The following TRIO variants were observed in gnomAD, a reference collection of about 807,000 sequenced individuals.
The protein encoded by TRIO is triple functional domain protein.
Under a neutral mutation model 351.9 loss-of-function variants are expected in TRIO, and 58 were observed. The observed-to-expected ratio is 0.16, with a 90% CI of 0.13 to 0.21. The LOEUF (loss-of-function observed/expected upper bound fraction) is 0.21, where lower values mean the gene tolerates loss of function less well. Ranked by LOEUF, TRIO falls within the 10% of genes least tolerant of loss-of-function variation. The pLI is 1.00. For synonymous variants in TRIO, 1,758 were observed against 1,595.7 expected, an observed-to-expected ratio of 1.10 and a Z score of -2.42; for missense variants, 3,201 against 4,027.8, an observed-to-expected ratio of 0.79 and a Z score of 5.56.
At chr5:14,151,411 T>G (rs1481518677) in intron 1 of TRIO, among the ~76,000 whole-genome samples, 1 of 149,778 alleles carries the variant, frequency 6.7e-6, no homozygotes, top group Non-Finnish European at 1.5e-5. Flanking sequence ...TGTGTGTGTA[T>G]GTATGTATGT....
intron 33 of TRIO, among the ~76,000 whole-genome samples, chr5:14,412,459 G>C (rs1451517543): frequency 6.6e-6 from 1 of 152,206 alleles, no homozygotes; most frequent in African/African-American, 2.4e-5. Flanking sequence ...TCTTGGGTAA[G>C]GGTGTATATC....
Position 14,487,528 on chromosome 5 carries a change from G to GGGCAGCGGC in TRIO, c.6903_6911dup (p.Ser2302_Gly2304dup), listed in dbSNP as rs1322123600. 5 of 1,048,780 alleles carry GGGCAGCGGC rather than the reference G, an allele frequency of 4.8e-6. No homozygotes were observed. Among genetic ancestry groups the GGGCAGCGGC allele is most frequent in the South Asian group, 8.8e-5 (2 of 22,684 alleles). The allele number at this position is 1,048,780 out of a possible 1,614,324, so 65.0% of individuals were successfully genotyped here. On this transcript the variant is annotated inframe_insertion, in exon 48 of 57. Coordinates refer to ENST00000344204, the MANE Select transcript of TRIO (RefSeq NM_007118.4). Reference sequence around the variant, plus strand: ...GGGGCGGCGGCGGCGGCGGCAGCGGGGGCAGCGGCGGGGGTGGGGGCAGCG... The same window carrying GGGCAGCGGC: ...GGGGCGGCGGCGGCGGCGGCAGCGGGGGCAGCGGCGGCAGCGGCGGGGGTGGGGGCAGCG...
chr5:14,343,623 T>TG (rs1742145047), intron 11 of TRIO, among the ~76,000 whole-genome samples: 1 of 152,212 alleles, frequency 6.6e-6, no homozygotes, highest in African/African-American at 2.4e-5. Context: ...TGGTATTTCA[T>TG]GGTCTGGATA....
intron 1 of TRIO, among the ~76,000 whole-genome samples, chr5:14,178,476 A>G (rs746105708): frequency 2.4e-4 from 37 of 152,202 alleles, no homozygotes; most frequent in Non-Finnish European, 4.3e-4. Flanking sequence ...TCAAATATTG[A>G]TGCTTTGATA....
chr5:14,299,560 C>T (rs1431891777), intron 7 of TRIO, among the ~76,000 whole-genome samples: 1 of 152,186 alleles, frequency 6.6e-6, no homozygotes, highest in Non-Finnish European at 1.5e-5. Flanking sequence ...AAAGTAAGAT[C>T]CTTGAAATTC....
chr5:14,246,228 A>G (rs1794428994), intron 1 of TRIO, among the ~76,000 whole-genome samples: 1 of 152,254 alleles, frequency 6.6e-6, no homozygotes, highest in African/African-American at 2.4e-5. Context: ...TATAAGATCA[A>G]CAGTATTAAA....
At position 14,463,136 on chromosome 5, in the gene TRIO, G is replaced by A. The variant is rs577871140; in HGVS notation, c.5667+211G>A. Among the ~76,000 whole-genome samples, 17 of 152,362 alleles carry A rather than the reference G, an allele frequency of 1.1e-4. No individual in the cohort carries two copies. The East Asian group carries it at 2.9e-3, about 26-fold the overall frequency. On this transcript the variant is annotated intron_variant, in intron 36 of 56. Transcript: ENST00000344204. The stretch of plus-strand genomic sequence containing the variant: ...TTAGAATAGCAGTAGGCCAGCGGGT[G>A]CAGTTTTTCTTACACATGTGGCTCA...
chr5:14,498,817 A>G, intron 53 of TRIO, 177 bp downstream of exon 53: 2 of 949,320 alleles, frequency 2.1e-6, no homozygotes, highest in Non-Finnish European at 1.5e-6. Context: ...GGGATGTCAC[A>G]GGAGAGTGAC....
intron 3 of TRIO, among the ~76,000 whole-genome samples, chr5:14,284,397 T>C (rs1480271237): frequency 6.6e-6 from 1 of 152,236 alleles, no homozygotes; most frequent in African/African-American, 2.4e-5. Context: ...CACTGCTGTC[T>C]TAATGATGAC....
In TRIO at chr5:14,419,199, TGAGGGCA is replaced by T. The variant is rs145412078; in HGVS notation, c.4960-565_4960-559del. Among the ~76,000 whole-genome samples, 592 of 152,164 alleles carry T rather than the reference TGAGGGCA, an allele frequency of 3.9e-3. 4 individuals are homozygous for T. The highest frequency in any genetic ancestry group is 0.013 in the African/African-American group (538 of 41,512). Reference sequence around the variant, plus strand: ...GAAGTGGGGGAGCCTAGAAGGAATCTGAGGGCAGAGGGCAGAGGGCCTCAGGAGCCAC... The same window carrying T: ...GAAGTGGGGGAGCCTAGAAGGAATCTGAGGGCAGAGGGCCTCAGGAGCCAC... On this transcript the variant is annotated intron_variant, in intron 33 of 56. Transcript: ENST00000344204.
intron 37 of TRIO, 139 bp downstream of exon 37, chr5:14,465,779 A>C: frequency 1.2e-6 from 1 of 859,634 alleles, no homozygotes; most frequent in South Asian, 1.5e-5. Flanking sequence ...AGTCCCCATG[A>C]CCACCCTCGG....
At chr5:14,172,012 TA>T (rs1166972379) in intron 1 of TRIO, among the ~76,000 whole-genome samples, 2 of 152,344 alleles carry the variant, frequency 1.3e-5, no homozygotes, top group Middle Eastern at 3.4e-3. Flanking sequence ...CACCTGCAGA[TA>T]AGTTGAGTAG....
intron 11 of TRIO, among the ~76,000 whole-genome samples, chr5:14,357,703 G>A (rs1241364082): frequency 6.6e-6 from 1 of 152,100 alleles, no homozygotes; most frequent in Non-Finnish European, 1.5e-5. Context: ...TCATCACATT[G>A]TGCACTTCCT....
chr5:14,187,534 G>T (rs1300474364), intron 1 of TRIO, among the ~76,000 whole-genome samples: 2 of 152,076 alleles, frequency 1.3e-5, no homozygotes, highest in Admixed American at 6.6e-5. Flanking sequence ...GAAAACCATT[G>T]TACCGAGGAG....
intron 1 of TRIO, among the ~76,000 whole-genome samples, chr5:14,223,529 A>T (rs140547905): frequency 1.6e-4 from 25 of 152,292 alleles, no homozygotes; most frequent in Middle Eastern, 6.8e-3. Context: ...CAACTAGCCT[A>T]GGTGACCCTG....
intron 33 of TRIO, among the ~76,000 whole-genome samples, chr5:14,409,783 C>A (rs1749037497): frequency 6.9e-6 from 1 of 144,586 alleles, no homozygotes; most frequent in South Asian, 2.2e-4. Context: ...TGCAGTGAGC[C>A]AAGATCAGGC....
At chr5:14,214,312 A>G (rs983123063) in intron 1 of TRIO, among the ~76,000 whole-genome samples, 1 of 152,174 alleles carries the variant, frequency 6.6e-6, no homozygotes, top group Non-Finnish European at 1.5e-5. Context: ...AGGGTATGCC[A>G]TGGGTCACCT....
At chr5:14,165,810 C>A (rs535075823) in intron 1 of TRIO, among the ~76,000 whole-genome samples, 19 of 152,304 alleles carry the variant, frequency 1.2e-4, no homozygotes, top group Admixed American at 1.2e-3. Flanking sequence ...CCGGTGGTGT[C>A]ATTCTTAGCC....
intron 16 of TRIO, among the ~76,000 whole-genome samples, chr5:14,368,297 A>G (rs1158081874): frequency 6.6e-6 from 1 of 152,238 alleles, no homozygotes; most frequent in African/African-American, 2.4e-5. Context: ...AGTGAAAATA[A>G]AAAGCATTCA....
Sources: allele counts gnomAD v4.1 joint callset (sites outside exome capture counted in the v4.1 genomes callset), GRCh38; gene constraint gnomAD v4.1.1; transcripts MANE v1.5; gene names NCBI Gene and HGNC (gene_info 2026-07-23, HGNC 2026-07-21).